The following MACROD2 variants were observed in gnomAD, a reference collection of about 807,000 sequenced individuals.
MACROD2 encodes the protein ADP-ribose glycohydrolase MACROD2.
A neutral mutation model predicts 70.4 loss-of-function variants in MACROD2; 36 were observed. The ratio of observed to expected loss-of-function variants is 0.51; its 90% CI spans 0.39 to 0.68. The LOEUF (loss-of-function observed/expected upper bound fraction) is 0.68, where lower values mean the gene tolerates loss of function less well. MACROD2 is among the 30% of genes least tolerant of loss of function. The pLI, the probability that MACROD2 is intolerant of heterozygous loss-of-function variation, is 0.00. For missense variants in MACROD2, 496 were observed against 538.4 expected (o/e 0.92, Z 0.78); for synonymous variants, 172 against 178.8 (o/e 0.96, Z 0.30).
chr20:14,404,561 C>T (rs2083672784), intron 3 of MACROD2, among the ~76,000 whole-genome samples: 1 of 151,384 alleles, frequency 6.6e-6, no homozygotes, highest in Non-Finnish European at 1.5e-5. Context: ...CATGTCATTG[C>T]ACTCCAGCCG....
chr20:15,032,790 G>C (rs1025830809), intron 5 of MACROD2, among the ~76,000 whole-genome samples: 4 of 152,172 alleles, frequency 2.6e-5, no homozygotes, highest in African/African-American at 9.7e-5. Flanking sequence ...GTTCATAGCA[G>C]CATTATTCAC....
intron 3 of MACROD2, among the ~76,000 whole-genome samples, chr20:14,317,574 T>G (rs1180256815): frequency 1.3e-5 from 2 of 149,008 alleles, no homozygotes; most frequent in African/African-American, 5.0e-5. Context: ...GAGCCAAGAT[T>G]GCGCCACTGC....
chr20:15,982,898 G>A (rs575422735), intron 13 of MACROD2, among the ~76,000 whole-genome samples: 26,340 of 152,064 alleles, frequency 0.17, 3,162 homozygotes, highest in African/African-American at 0.33. Context: ...GCGCTTGGAC[G>A]TGGGGGCCAT....
At chr20:14,274,759 G>T (rs1862001333) in intron 3 of MACROD2, among the ~76,000 whole-genome samples, 1 of 151,954 alleles carries the variant, frequency 6.6e-6, no homozygotes, top group African/African-American at 2.4e-5. Context: ...CATTGTCTCA[G>T]CCCAAAATCT....
At chr20:15,421,419 G>A (rs1184759804) in intron 6 of MACROD2, among the ~76,000 whole-genome samples, 1 of 152,058 alleles carries the variant, frequency 6.6e-6, no homozygotes, top group Non-Finnish European at 1.5e-5. Flanking sequence ...TTGCCAGGTT[G>A]CATGTTACAG....
intron 3 of MACROD2, among the ~76,000 whole-genome samples, chr20:14,464,599 C>T (rs375731416): frequency 6.6e-6 from 1 of 152,046 alleles, no homozygotes; most frequent in East Asian, 1.9e-4. Flanking sequence ...TTTGCTCTTG[C>T]TTCTCTAGTT....
In MACROD2 at chr20:15,869,105, T is replaced by C. The variant is rs191258090; in HGVS notation, c.727+6279T>C. ...CTATGCCCAGCTCTAATCTCTTTAATTTTTTAACCATAAAAACAATTAAAT... is the reference window on the plus strand; with the variant it reads ...CTATGCCCAGCTCTAATCTCTTTAACTTTTTAACCATAAAAACAATTAAAT... On this transcript the variant is annotated intron_variant, in intron 9 of 17. Transcript: ENST00000684519. 1.9e-4 allele frequency among the ~76,000 whole-genome samples: 28 copies of C among 151,094 alleles called. No homozygotes were observed. In the East Asian group the frequency reaches 3.9e-3, roughly 21 times the overall value.
intron 8 of MACROD2, among the ~76,000 whole-genome samples, chr20:15,583,824 T>C (rs1463880313): frequency 6.6e-6 from 1 of 152,082 alleles, no homozygotes; most frequent in Non-Finnish European, 1.5e-5. Context: ...TATTTTCTGG[T>C]AGAGACAGGG....
intron 3 of MACROD2, among the ~76,000 whole-genome samples, chr20:14,203,973 T>G (rs977948904): frequency 6.6e-6 from 1 of 152,138 alleles, no homozygotes; most frequent in African/African-American, 2.4e-5. Flanking sequence ...CTGGGCAGTG[T>G]GTGTGGCATC....
intron 5 of MACROD2, among the ~76,000 whole-genome samples, chr20:14,925,407 G>T (rs1214290474): frequency 6.6e-6 from 1 of 152,096 alleles, no homozygotes; most frequent in Non-Finnish European, 1.5e-5. Flanking sequence ...AATCACCAGG[G>T]TGCTATTTTG....
chr20:14,747,883 G>A (rs565666432), intron 5 of MACROD2, among the ~76,000 whole-genome samples: 1 of 152,186 alleles, frequency 6.6e-6, no homozygotes, highest in South Asian at 2.1e-4. Flanking sequence ...TGTCTACTAG[G>A]ACAGTATCCA....
At chr20:15,368,090 G>C (rs541539229) in intron 6 of MACROD2, among the ~76,000 whole-genome samples, 1 of 152,010 alleles carries the variant, frequency 6.6e-6, no homozygotes, top group Non-Finnish European at 1.5e-5. Flanking sequence ...AGATGAAATT[G>C]TCATATGGAA....
At chr20:15,489,787 A>C (rs1042158238) in intron 7 of MACROD2, among the ~76,000 whole-genome samples, 26 of 152,258 alleles carry the variant, frequency 1.7e-4, no homozygotes, top group African/African-American at 5.8e-4. Context: ...CTGAGGACCA[A>C]CAACATGCCA....
At chr20:14,059,720 G>A (rs2053670916) in intron 2 of MACROD2, among the ~76,000 whole-genome samples, 1 of 152,184 alleles carries the variant, frequency 6.6e-6, no homozygotes, top group Non-Finnish European at 1.5e-5. Flanking sequence ...ATTTGAGATA[G>A]TCATGAACGA....
intron 9 of MACROD2, among the ~76,000 whole-genome samples, chr20:15,876,105 A>AAATATATATATATAT (rs1568611867): frequency 9.3e-5 from 2 of 21,456 alleles, no homozygotes; most frequent in Admixed American, 7.8e-4. Flanking sequence ...ATATATATAT[A>AAATATATATATATAT]TATATATGTG....
chr20:15,093,088 A>G (rs1049012031), intron 5 of MACROD2, among the ~76,000 whole-genome samples: 1 of 152,224 alleles, frequency 6.6e-6, no homozygotes, highest in Non-Finnish European at 1.5e-5. Context: ...ATATCCCACC[A>G]TGCCACATAA....
At chr20:15,453,280 A>G (rs1383220795) in intron 7 of MACROD2, among the ~76,000 whole-genome samples, 1 of 152,136 alleles carries the variant, frequency 6.6e-6, no homozygotes, top group Admixed American at 6.5e-5. Context: ...AGCAGTCTAA[A>G]GATTCCAGTG....
At chr20:14,933,347 A>G (rs1159835843) in intron 5 of MACROD2, among the ~76,000 whole-genome samples, 2 of 152,372 alleles carry the variant, frequency 1.3e-5, no homozygotes, top group Non-Finnish European at 2.9e-5. Flanking sequence ...ATCTTAGCAC[A>G]GAAATAAAAT....
At chr20:14,227,647 C>T (rs983273187) in intron 3 of MACROD2, among the ~76,000 whole-genome samples, 12 of 152,318 alleles carry the variant, frequency 7.9e-5, no homozygotes, top group African/African-American at 1.9e-4. Flanking sequence ...CGCGAGGGTC[C>T]GCGGCTTCAT....
Sources: allele counts gnomAD v4.1 joint callset (sites outside exome capture counted in the v4.1 genomes callset), GRCh38; gene constraint gnomAD v4.1.1; transcripts MANE v1.5; gene names NCBI Gene and HGNC (gene_info 2026-07-23, HGNC 2026-07-21).